Variants in ICE1 observed in about 807,000 individuals in gnomAD.
The protein encoded by ICE1 is little elongation complex subunit 1.
Under a neutral mutation model 192.7 loss-of-function variants are expected in ICE1, and 64 were observed. The ratio of observed to expected loss-of-function variants is 0.33; its 90% CI spans 0.27 to 0.41. The LOEUF is 0.41. ICE1 is among the 10% of genes least tolerant of loss of function. ICE1 has a pLI of 1.00. For missense variants in ICE1, 2,708 were observed against 2,696.0 expected (o/e 1.00, Z -0.10); for synonymous variants, 1,010 against 984.5 (o/e 1.03, Z -0.49).
At chr5:5,435,478 T>C (rs16875575) in intron 1 of ICE1, among the ~76,000 whole-genome samples, 9,463 of 152,152 alleles carry the variant, frequency 0.062, 961 homozygotes, top group African/African-American at 0.22. Flanking sequence ...ATTGTGGTTA[T>C]GTTTAAAAGT....
At position 5,422,912 on chromosome 5, in the gene ICE1, C is replaced by A; in HGVS notation, c.-4C>A. The A allele has an allele frequency of 7.2e-7, 1 of 1,397,602 alleles. No homozygotes were observed. The highest frequency in any genetic ancestry group is 9.3e-7 in the Non-Finnish European group (1 of 1,075,270). 86.6% of individuals were successfully genotyped at this position (1,397,602 alleles called of 1,614,324 possible). A position where few individuals can be genotyped will look rare whatever the true frequency, so the allele number is the denominator to read the frequency against. ...GCGTGCCCACCGGGCCCGGCGGCGG[C>A]ACCATGATGCCGGGCGAGACCCATT... On this transcript the variant is annotated 5_prime_UTR_variant, in exon 1 of 19. Transcript: ENST00000296564.
At chr5:5,450,918 G>A (rs527917774) in intron 10 of ICE1, among the ~76,000 whole-genome samples, 13 of 152,214 alleles carry the variant, frequency 8.5e-5, no homozygotes, top group Non-Finnish European at 1.3e-4. Context: ...TAGAAAGAGA[G>A]AGCAAAAGCA....
In ICE1 at chr5:5,489,472, T is replaced by C. The variant is rs1275709289; in HGVS notation, c.*142T>C. Reference sequence around the variant, plus strand: ...ACAGACCAGAGGCTCTCCTTATTGTTTGGCAAGGAGACAGGAGAAACAAGC... The same window carrying C: ...ACAGACCAGAGGCTCTCCTTATTGTCTGGCAAGGAGACAGGAGAAACAAGC... On this transcript the variant is annotated 3_prime_UTR_variant, in exon 19 of 19. Coordinates refer to ENST00000296564, the MANE Select transcript of ICE1 (RefSeq NM_015325.3). 8.4e-6 allele frequency: 6 copies of C among 712,902 alleles called. No individual in the cohort carries two copies. The highest frequency in any genetic ancestry group is 2.5e-5 in the South Asian group (1 of 40,788). The allele number at this position is 712,902 out of a possible 1,614,324, so 44.2% of individuals were successfully genotyped here.
In ICE1 at chr5:5,461,166, A is replaced by G; in HGVS notation, c.1832A>G (p.Glu611Gly). 1 of 1,613,962 alleles carries G rather than the reference A, an allele frequency of 6.2e-7. No homozygotes were observed. The highest frequency in any genetic ancestry group is 8.5e-7 in the Non-Finnish European group (1 of 1,179,848). The change falls in exon 13 of 19, where the codon GAA (glutamate) becomes GGA (glycine). Residue 611 changes from glutamate (E) to glycine (G), a missense_variant. By Grantham distance (98) the Glu-to-Gly change is moderately conservative. Coordinates refer to ENST00000296564, the MANE Select transcript of ICE1 (RefSeq NM_015325.3). Reference sequence around the variant, plus strand: ...ACTTTAGGAGAATCACCTGAATCAGAAGATGATGACTCAGGTGATGGAATG... The same window carrying G: ...ACTTTAGGAGAATCACCTGAATCAGGAGATGATGACTCAGGTGATGGAATG... ...GFTLGESPES[E>G]DDDSGDGMDV...
At chr5:5,437,322 T>A (rs1737897872) in intron 3 of ICE1, 2 of 442,678 alleles carry the variant, frequency 4.5e-6, no homozygotes, top group African/African-American at 2.0e-5. Flanking sequence ...TGAGATTACT[T>A]TTCTTGTTGA....
intron 7 of ICE1, 42 bp downstream of exon 7, chr5:5,444,368 A>G (rs1029305335): frequency 5.0e-6 from 7 of 1,409,562 alleles, no homozygotes; most frequent in Admixed American, 4.0e-5. Flanking sequence ...GGTCAGTACA[A>G]AAATCACTGG....
At position 5,457,579 on chromosome 5, in the gene ICE1, C is replaced by T. The variant is rs371790669; in HGVS notation, c.939C>T (p.Asp313=). The change falls in exon 12 of 19, where the codon GAC becomes GAT. Residue 313 remains aspartate, a synonymous_variant. Transcript: ENST00000296564. ...AGGTTTTAGTACAAAGTCATCGTGA[C>T]GGTGGTAGTACTGAATTTGTTGATC... is the stretch of plus-strand genomic sequence containing the variant. ...NLEVLVQSHR[D]GGSTEFVDHD... is the part of the protein sequence containing the mutation. The T allele has an allele frequency of 1.8e-4, 287 of 1,613,788 alleles. 1 individual carries two copies. The highest frequency in any genetic ancestry group is 1.2e-4 in the Non-Finnish European group (137 of 1,179,852).
At chr5:5,425,490 T>C (rs1309284105) in intron 1 of ICE1, among the ~76,000 whole-genome samples, 2 of 152,250 alleles carry the variant, frequency 1.3e-5, no homozygotes, top group African/African-American at 4.8e-5. Context: ...TACAGAGTTC[T>C]TCTCTAGGTC....
intron 17 of ICE1, among the ~76,000 whole-genome samples, chr5:5,478,211 C>T (rs373311075): frequency 6.6e-6 from 1 of 152,144 alleles, no homozygotes; most frequent in Non-Finnish European, 1.5e-5. Context: ...TTAGAAAACC[C>T]CATCGTCTCA....
intron 1 of ICE1, among the ~76,000 whole-genome samples, chr5:5,431,217 T>C (rs1334254145): frequency 6.6e-6 from 1 of 152,030 alleles, no homozygotes; most frequent in Non-Finnish European, 1.5e-5. Flanking sequence ...ACCAAAGAAC[T>C]CAAAAGAGAA....
chr5:5,490,029 C>G lies in ICE1; in HGVS notation c.*699C>G, dbSNP rs916607664. 3 of 152,192 alleles carry G rather than the reference C, an allele frequency of 2.0e-5. No homozygotes were observed. The highest frequency in any genetic ancestry group is 6.5e-5 in the Admixed American group (1 of 15,274). 9.4% of individuals were successfully genotyped at this position (152,192 alleles called of 1,614,324 possible). On this transcript the variant is annotated 3_prime_UTR_variant, in exon 19 of 19. Coordinates refer to ENST00000296564, the MANE Select transcript of ICE1 (RefSeq NM_015325.3). ...TTCACAGATGAGCGCAGGCAGAGCT[C>G]TGTGTGCCGTGTACATATGGACCGT...
chr5:5,455,614 A>T (rs553025637), intron 11 of ICE1, among the ~76,000 whole-genome samples: 1 of 152,282 alleles, frequency 6.6e-6, no homozygotes, highest in African/African-American at 2.4e-5. Context: ...TGAGGGGTAA[A>T]TATATTACGT....
Position 5,462,725 on chromosome 5 carries a change from A to G in ICE1, c.3391A>G (p.Lys1131Glu), listed in dbSNP as rs202082834. Reference protein sequence around the residue: ...EQQDAPDDSQKNLGDTDAAVA... With the variant: ...EQQDAPDDSQENLGDTDAAVA... ...GCAAGATGCTCCTGATGACTCACAG[A>G]AAAATTTAGGAGACACAGATGCTGC... Residue 1131 changes from lysine (K) to glutamate (E), a missense_variant, in exon 13 of 19, where the codon AAA (lysine) becomes GAA (glutamate). Physicochemically the swap from Lys to Glu is moderately conservative, Grantham distance 56. This residue lies in a region of ICE1 where 2,366 missense variants were observed against 2,276.6 expected (regional missense o/e 1.04). Coordinates refer to ENST00000296564, the MANE Select transcript of ICE1 (RefSeq NM_015325.3). 3.1e-6 allele frequency: 5 copies of G among 1,613,856 alleles called. No homozygotes were observed. The African/African-American group carries it at 6.7e-5, about 22-fold the overall frequency.
chr5:5,465,310 A>G (rs1166880290), intron 13 of ICE1, 84 bp downstream of exon 13: 7 of 926,222 alleles, frequency 7.6e-6, no homozygotes, highest in Non-Finnish European at 1.1e-5. Flanking sequence ...AAATGTGTAG[A>G]TGACCATGAA....
At chr5:5,482,721 T>C (rs781085474) in intron 17 of ICE1, among the ~76,000 whole-genome samples, 39 of 151,900 alleles carry the variant, frequency 2.6e-4, no homozygotes, top group Non-Finnish European at 5.3e-4. Flanking sequence ...GAGTGAAGCC[T>C]GCTGTTTAGG....
In ICE1 at chr5:5,464,667, G is replaced by A; in HGVS notation, c.5333G>A (p.Gly1778Asp). The change falls in exon 13 of 19, where the codon GGT (glycine) becomes GAT (aspartate). Residue 1778 changes from glycine (G) to aspartate (D), a missense_variant. Gly to Asp is a moderately conservative substitution (Grantham distance 94). This residue lies in a region of ICE1 where 2,366 missense variants were observed against 2,276.6 expected (regional missense o/e 1.04). Coordinates refer to ENST00000296564, the MANE Select transcript of ICE1 (RefSeq NM_015325.3). This position sits in a 1 kb window ranked among gnomAD's most constrained non-coding sequence, Gnocchi z 4.0. ...AAAGGGAATATTCAACTCACACGAG[G>A]TCCGCCTGCTGACTGTAAGAATTTA... ...ILKGNIQLTR[G>D]PPADCKNLPG... 3.1e-6 allele frequency: 5 copies of A among 1,613,848 alleles called. No homozygotes were observed. The highest frequency in any genetic ancestry group is 1.6e-4 in the Middle Eastern group (1 of 6,062).
chr5:5,473,609 C>A lies in ICE1; in HGVS notation c.6274C>A (p.Gln2092Lys). Residue 2092 changes from glutamine to lysine, a missense_variant, in exon 16 of 19, where the codon CAG becomes AAG. Gln to Lys is a moderately conservative substitution (Grantham distance 53, BLOSUM62 1). Around this residue, in one of 2 missense-constraint regions of ICE1, gnomAD observed 342 missense variants for 419.3 expected, o/e 0.82. Coordinates refer to ENST00000296564, the MANE Select transcript of ICE1 (RefSeq NM_015325.3). Reference protein sequence around the residue: ...FMVSKLLLTIQLCPKTEFQPS... With the variant: ...FMVSKLLLTIKLCPKTEFQPS... ...GGTTTCTAAGCTGCTTTTGACCATA[C>A]AGTTATGTCCAAAAACAGAATTTCA... 1.2e-6 allele frequency: 2 copies of A among 1,613,460 alleles called. No homozygotes were observed.
Position 5,466,416 on chromosome 5 carries a change from C to T in ICE1, c.5975C>T (p.Ala1992Val). Residue 1992 changes from alanine (A) to valine (V), a missense_variant, in exon 14 of 19, where the codon GCC (alanine) becomes GTC (valine). Transcript: ENST00000296564. ...TCTATGGACCACAATTACATTCACG[C>T]CCTCTGCAGGGTGTATGTGGGTATT... ...KISMDHNYIH[A>V]LCRVYVGICR... 6.2e-7 allele frequency: 1 copy of T among 1,613,584 alleles called. No homozygotes were observed. Among genetic ancestry groups the T allele is most frequent in the Non-Finnish European group, 8.5e-7 (1 of 1,179,700 alleles).
intron 5 of ICE1, among the ~76,000 whole-genome samples, chr5:5,442,472 G>T (rs1002573073): frequency 6.6e-6 from 1 of 152,132 alleles, no homozygotes; most frequent in Non-Finnish European, 1.5e-5. Flanking sequence ...TCTCTATTTG[G>T]TTATATAATC....
Sources: allele counts gnomAD v4.1 joint callset (sites outside exome capture counted in the v4.1 genomes callset), GRCh38; gene constraint gnomAD v4.1.1; regional missense constraint gnomAD v4.1.1; non-coding constraint Gnocchi (gnomAD v3.1); transcripts MANE v1.5; gene names NCBI Gene and HGNC (gene_info 2026-07-23, HGNC 2026-07-21).